The following GUCY1A2 variants were observed in gnomAD, a reference collection of about 807,000 sequenced individuals.
GUCY1A2 encodes guanylate cyclase soluble subunit alpha-2.
Under a neutral mutation model 63.5 loss-of-function variants are expected in GUCY1A2, and 27 were observed. The observed-to-expected ratio is 0.43, with a 90% CI of 0.31 to 0.59. GUCY1A2 has a LOEUF of 0.59. GUCY1A2 is among the 20% of genes least tolerant of loss of function. GUCY1A2 has a pLI of 0.11. For synonymous variants in GUCY1A2, 364 were observed against 343.5 expected, an observed-to-expected ratio of 1.06 and a Z score of -0.66; for missense variants, 768 against 913.3, an observed-to-expected ratio of 0.84 and a Z score of 2.05.
intron 1 of GUCY1A2, among the ~76,000 whole-genome samples, chr11:107,011,447 T>A (rs933620478): frequency 1.7e-4 from 26 of 150,644 alleles, no homozygotes; most frequent in Non-Finnish European, 1.6e-4. Context: ...CACCTATGCA[T>A]CTTAGAGTCC....
At position 106,948,024 on chromosome 11, in the gene GUCY1A2, A is replaced by C. The variant is rs532947181; in HGVS notation, c.488-7846T>G. On this transcript the variant is annotated intron_variant, in intron 3 of 7. Coordinates refer to ENST00000526355, the MANE Select transcript of GUCY1A2 (RefSeq NM_000855.3). ...GACGAATTAGATAAATCAGAAAAGA[A>C]ACATGCAACTTGCTGTGAACAAATG... is the stretch of plus-strand genomic sequence containing the variant. Among the ~76,000 whole-genome samples the C allele has an allele frequency of 5.9e-5, 9 of 152,290 alleles. No homozygotes were observed. The South Asian group carries it at 1.9e-3, about 32-fold the overall frequency.
chr11:106,870,999 G>C (rs926612506), intron 4 of GUCY1A2, among the ~76,000 whole-genome samples: 3 of 152,096 alleles, frequency 2.0e-5, no homozygotes, highest in Admixed American at 1.3e-4. Flanking sequence ...ATTATGATAA[G>C]CTTCTCAAGT....
intron 6 of GUCY1A2, among the ~76,000 whole-genome samples, chr11:106,724,846 C>T (rs1270742048): frequency 6.6e-6 from 1 of 152,120 alleles, no homozygotes; most frequent in Admixed American, 6.6e-5. Flanking sequence ...GTGTCAAGCC[C>T]TTCGCATCTA....
chr11:106,836,856 TTC>T (rs1859123895), intron 4 of GUCY1A2, among the ~76,000 whole-genome samples: 1 of 152,016 alleles, frequency 6.6e-6, no homozygotes, highest in Admixed American at 6.6e-5. Context: ...TTGTTTACAT[TTC>T]TCTCAACTGC....
rs1862310251 is a variant in GUCY1A2, at chr11:106,674,322, A to AAAAG, written c.*13226_*13227insCTTT. The AAAAG allele has an allele frequency of 5.5e-6, 1 of 180,494 alleles. No homozygotes were observed. The highest frequency in any genetic ancestry group is 1.2e-5 in the Non-Finnish European group (1 of 84,388). The allele number at this position is 180,494 out of a possible 1,614,324, so 11.2% of individuals were successfully genotyped here. On this transcript the variant is annotated 3_prime_UTR_variant, in exon 8 of 8. Coordinates refer to ENST00000526355, the MANE Select transcript of GUCY1A2 (RefSeq NM_000855.3). ...AAAAGAATGAGTAAAAAGTGGTGTTACATGAAAATCAAAGAAGATATTGTG... is the reference window on the plus strand; with the variant it reads ...AAAAGAATGAGTAAAAAGTGGTGTTAAAAGCATGAAAATCAAAGAAGATATTGTG...
chr11:106,928,697 A>T (rs1194863408), intron 4 of GUCY1A2, among the ~76,000 whole-genome samples: 1 of 152,188 alleles, frequency 6.6e-6, no homozygotes, highest in Non-Finnish European at 1.5e-5. Context: ...CATAGGCTAA[A>T]TGGTAGAGCT....
intron 3 of GUCY1A2, among the ~76,000 whole-genome samples, chr11:106,946,855 T>G (rs1464789644): frequency 6.6e-6 from 1 of 152,146 alleles, no homozygotes; most frequent in African/African-American, 2.4e-5. Flanking sequence ...TTAGGTAAAT[T>G]GCATGGTATG....
intron 4 of GUCY1A2, among the ~76,000 whole-genome samples, chr11:106,814,645 C>G (rs1039158392): frequency 6.6e-6 from 1 of 152,012 alleles, no homozygotes; most frequent in Non-Finnish European, 1.5e-5. Flanking sequence ...GCTCTGCACC[C>G]TCAAGCAGCA....
intron 5 of GUCY1A2, among the ~76,000 whole-genome samples, 174 bp downstream of exon 5, chr11:106,809,819 G>A (rs1387895719): frequency 6.6e-6 from 1 of 151,840 alleles, no homozygotes; most frequent in African/African-American, 2.4e-5. Flanking sequence ...CAACACAAAC[G>A]AACTCATATT....
chr11:106,855,905 AT>A (rs1295784491), intron 4 of GUCY1A2, among the ~76,000 whole-genome samples: 3 of 88,678 alleles, frequency 3.4e-5, no homozygotes, highest in Non-Finnish European at 6.9e-5. Context: ...TTATTTATTT[AT>A]TTATTTATTT....
intron 1 of GUCY1A2, among the ~76,000 whole-genome samples, chr11:106,998,791 G>C (rs535765101): frequency 7.1e-5 from 9 of 127,418 alleles, no homozygotes; most frequent in Non-Finnish European, 1.2e-4. Flanking sequence ...AGCAGTAATA[G>C]TTCATTAAAA....
At position 106,895,071 on chromosome 11, in the gene GUCY1A2, A is replaced by C. The variant is rs540655788; in HGVS notation, c.1206+44389T>G. On this transcript the variant is annotated intron_variant, in intron 4 of 7. Transcript: ENST00000526355. ...ATAAGACCAAAATAAACAAGGAGACATCACTATGCATTCTCTGGACATTAC... is the reference window on the plus strand; with the variant it reads ...ATAAGACCAAAATAAACAAGGAGACCTCACTATGCATTCTCTGGACATTAC... Among the ~76,000 whole-genome samples the C allele has an allele frequency of 2.0e-5, 3 of 152,316 alleles. No individual in the cohort carries two copies. In the South Asian group the frequency reaches 6.2e-4, roughly 32 times the overall value.
At chr11:106,972,466 G>A (rs1330715115) in intron 3 of GUCY1A2, among the ~76,000 whole-genome samples, 1 of 152,080 alleles carries the variant, frequency 6.6e-6, no homozygotes, top group Non-Finnish European at 1.5e-5. Context: ...AATCTGAAGG[G>A]TTGTTCTCCC....
chr11:106,737,921 T>C (rs949533014), intron 6 of GUCY1A2, among the ~76,000 whole-genome samples: 5 of 152,190 alleles, frequency 3.3e-5, no homozygotes, highest in African/African-American at 4.8e-5. Flanking sequence ...AGTAATGGGA[T>C]TGCTGGGTCA....
intron 5 of GUCY1A2, among the ~76,000 whole-genome samples, chr11:106,793,922 A>G (rs1864707699): frequency 6.6e-6 from 1 of 152,150 alleles, no homozygotes; most frequent in Non-Finnish European, 1.5e-5. Context: ...TGGGTCAGCT[A>G]TTATGGAAAA....
intron 6 of GUCY1A2, among the ~76,000 whole-genome samples, chr11:106,716,195 G>C (rs990619030): frequency 6.6e-6 from 1 of 152,148 alleles, no homozygotes; most frequent in African/African-American, 2.4e-5. Context: ...GGGGAGGGAG[G>C]CAGTTTGTAA....
At chr11:106,762,613 T>A (rs1382576339) in intron 6 of GUCY1A2, among the ~76,000 whole-genome samples, 1 of 152,146 alleles carries the variant, frequency 6.6e-6, no homozygotes, top group Non-Finnish European at 1.5e-5. Flanking sequence ...GTCAATTTAA[T>A]TCCTTGATCT....
chr11:106,800,172 TC>T (rs1254334288), intron 5 of GUCY1A2, among the ~76,000 whole-genome samples: 4 of 152,072 alleles, frequency 2.6e-5, no homozygotes, highest in African/African-American at 9.7e-5. Flanking sequence ...GAAATGCAAA[TC>T]AAAACCACAA....
intron 5 of GUCY1A2, among the ~76,000 whole-genome samples, chr11:106,786,380 A>G (rs1214216492): frequency 6.6e-6 from 1 of 152,190 alleles, no homozygotes; most frequent in East Asian, 1.9e-4. Flanking sequence ...AGTGTTGAAA[A>G]GGAGGTCATG....
Sources: allele counts gnomAD v4.1 joint callset (sites outside exome capture counted in the v4.1 genomes callset), GRCh38; gene constraint gnomAD v4.1.1; transcripts MANE v1.5; gene names NCBI Gene and HGNC (gene_info 2026-07-23, HGNC 2026-07-21).